The following MAP2K5 variants were observed in gnomAD, a reference collection of about 807,000 sequenced individuals.
MAP2K5 encodes mitogen-activated protein kinase kinase 5, also known as dual specificity mitogen-activated protein kinase kinase 5.
In MAP2K5, 49 loss-of-function variants were observed where a neutral mutation model predicts 83.1. That is an observed-to-expected ratio of 0.59 (90% CI 0.47 to 0.75). MAP2K5 has a LOEUF of 0.75. Ranked by LOEUF, MAP2K5 falls within the 30% of genes least tolerant of loss-of-function variation. The pLI is 0.00. For missense variants in MAP2K5, 457 were observed against 557.5 expected, an observed-to-expected ratio of 0.82 and a Z score of 1.82; for synonymous variants, 202 against 191.8, an observed-to-expected ratio of 1.05 and a Z score of -0.44.
At chr15:67,754,302 C>A (rs2089783903) in intron 19 of MAP2K5, among the ~76,000 whole-genome samples, 1 of 152,198 alleles carries the variant, frequency 6.6e-6, no homozygotes, top group African/African-American at 2.4e-5. Flanking sequence ...CAAAGAGTTT[C>A]TCTGTGATGG....
chr15:67,553,454 A>G (rs541956095), intron 2 of MAP2K5, among the ~76,000 whole-genome samples: 17 of 152,358 alleles, frequency 1.1e-4, no homozygotes, highest in Admixed American at 6.5e-5. Context: ...AATACAAAAC[A>G]TACCCACAGA....
chr15:67,551,894 CTG>C (rs60120818), intron 2 of MAP2K5, among the ~76,000 whole-genome samples: 22,380 of 152,098 alleles, frequency 0.15, 2,117 homozygotes, highest in African/African-American at 0.26. Context: ...GGAAAGATAT[CTG>C]TGAAATATTG....
intron 8 of MAP2K5, among the ~76,000 whole-genome samples, chr15:67,609,970 C>T (rs2141042803): frequency 6.6e-6 from 1 of 152,162 alleles, no homozygotes; most frequent in South Asian, 2.1e-4. Context: ...TCTTTTAGTC[C>T]TTAGTAAATC....
intron 19 of MAP2K5, among the ~76,000 whole-genome samples, chr15:67,762,956 G>T (rs549155134): frequency 6.6e-6 from 1 of 152,124 alleles, no homozygotes; most frequent in Non-Finnish European, 1.5e-5. Context: ...TGGACAGAAC[G>T]TCACACCAAA....
chr15:67,551,213 A>C (rs949597169), intron 2 of MAP2K5, among the ~76,000 whole-genome samples: 25 of 152,232 alleles, frequency 1.6e-4, no homozygotes, highest in Admixed American at 6.5e-5. Context: ...ATTTCTTATC[A>C]ACATATAAAA....
Position 67,555,191 on chromosome 15 carries a change from G to A in MAP2K5, c.184+5109G>A, listed in dbSNP as rs922561764. On this transcript the variant is annotated intron_variant, in intron 2 of 21. Coordinates refer to ENST00000178640, the MANE Select transcript of MAP2K5 (RefSeq NM_145160.3). The surrounding 1 kb of genome is among the most constrained non-coding windows in gnomAD (Gnocchi z 5.2). ...GCTCACAGTTCTACAGGCTGTACAAGCATGGCACTAGCATCTGCTTGCATT... is the reference window on the plus strand; with the variant it reads ...GCTCACAGTTCTACAGGCTGTACAAACATGGCACTAGCATCTGCTTGCATT... Among the ~76,000 whole-genome samples the A allele has an allele frequency of 4.6e-5, 7 of 152,210 alleles. No homozygotes were observed. The highest frequency in any genetic ancestry group is 8.8e-5 in the Non-Finnish European group (6 of 68,034).
chr15:67,594,730 A>T (rs538669164), intron 7 of MAP2K5, among the ~76,000 whole-genome samples: 6 of 152,276 alleles, frequency 3.9e-5, no homozygotes, highest in Admixed American at 3.3e-4. Context: ...TGGGAATGTG[A>T]TAACCTCATA....
intron 7 of MAP2K5, among the ~76,000 whole-genome samples, chr15:67,596,084 G>A (rs1177633751): frequency 6.6e-6 from 1 of 151,666 alleles, no homozygotes; most frequent in Non-Finnish European, 1.5e-5. Flanking sequence ...ACTAATTCTG[G>A]TCCAGCTGCA....
Position 67,771,469 on chromosome 15 carries a change from G to C in MAP2K5, c.1197-1238G>C, listed in dbSNP as rs568670774. ...AAAATTAATCAGCTGTTATTTAAAA[G>C]TTTTATGGAGACAGAGGGAGGGATA... On this transcript the variant is annotated intron_variant, in intron 20 of 21. Coordinates refer to ENST00000178640, the MANE Select transcript of MAP2K5 (RefSeq NM_145160.3). Among the ~76,000 whole-genome samples the C allele has an allele frequency of 2.0e-5, 3 of 152,300 alleles. No individual in the cohort carries two copies. In the South Asian group the frequency reaches 6.2e-4, roughly 32 times the overall value.
rs1334126926 is a variant in MAP2K5, at chr15:67,755,330, C to T, written c.1134+6729C>T. On this transcript the variant is annotated intron_variant, in intron 19 of 21. Transcript: ENST00000178640. This position sits in a 1 kb window ranked among gnomAD's most constrained non-coding sequence, Gnocchi z 4.7. ...TAAAGTAGGCTCTTCCCTTATTTTT[C>T]TCCTCCCTTTCCCAGTCCTCCATTT... Among the ~76,000 whole-genome samples the T allele has an allele frequency of 6.6e-6, 1 of 152,078 alleles. No homozygotes were observed. Among genetic ancestry groups the T allele is most frequent in the Non-Finnish European group, 1.5e-5 (1 of 67,996 alleles).
At chr15:67,593,429 A>T (rs536880951) in intron 7 of MAP2K5, among the ~76,000 whole-genome samples, 1 of 152,320 alleles carries the variant, frequency 6.6e-6, no homozygotes, top group African/African-American at 2.4e-5. Context: ...GGCCTTCAGG[A>T]GACCTTAGTT....
At chr15:67,595,976 C>CT (rs11335365) in intron 7 of MAP2K5, among the ~76,000 whole-genome samples, 18,154 of 144,914 alleles carry the variant, frequency 0.13, 1,146 homozygotes, top group East Asian at 0.21. Context: ...GTTATTTTTT[C>CT]TTTTTTTTTT....
chr15:67,603,344 T>TAA (rs1295290832), intron 8 of MAP2K5, among the ~76,000 whole-genome samples: 2 of 152,186 alleles, frequency 1.3e-5, no homozygotes, highest in African/African-American at 4.8e-5. Context: ...TGCCACAAGT[T>TAA]TTTTAATTTG....
chr15:67,585,819 A>G (rs946304254), intron 4 of MAP2K5, 71 bp from the exon 5 acceptor site: 8 of 1,366,278 alleles, frequency 5.9e-6, no homozygotes, highest in Middle Eastern at 1.8e-4. Flanking sequence ...ATTTCTTTTT[A>G]AACGATTCAT....
At chr15:67,568,301 T>C (rs2084883411) in intron 3 of MAP2K5, among the ~76,000 whole-genome samples, 1 of 152,220 alleles carries the variant, frequency 6.6e-6, no homozygotes, top group African/African-American at 2.4e-5. Context: ...CGTTGAGTAC[T>C]ATGAGGGAAA....
At chr15:67,667,462 A>C (rs907065683) in intron 13 of MAP2K5, among the ~76,000 whole-genome samples, 9 of 152,192 alleles carry the variant, frequency 5.9e-5, no homozygotes, top group African/African-American at 1.4e-4. Context: ...CACATTGTCA[A>C]ATCAAAAACA....
intron 4 of MAP2K5, among the ~76,000 whole-genome samples, chr15:67,583,480 T>A (rs1012662416): frequency 2.0e-5 from 3 of 152,206 alleles, no homozygotes; most frequent in African/African-American, 7.2e-5. Context: ...TGTGTTTTTT[T>A]AATATGCTAT....
chr15:67,624,589 TTGTGTGTGTGTGTGTGTGTGTGTG>T (rs71142388), intron 8 of MAP2K5, among the ~76,000 whole-genome samples: 13 of 141,802 alleles, frequency 9.2e-5, no homozygotes, highest in South Asian at 2.3e-4. Flanking sequence ...CACGATCTCT[TTGTGTGTGTGTGTGTGTGTGTGTG>T]TGTGTGTGTG....
intron 9 of MAP2K5, chr15:67,642,304 A>G (rs2086730419): frequency 3.2e-6 from 2 of 630,274 alleles, no homozygotes; most frequent in South Asian, 2.5e-5. Context: ...ACTAGGCACT[A>G]CTGTGAGTTA....
Sources: gnomAD v4.1 joint callset for allele counts (sites outside exome capture counted in the v4.1 genomes callset) on GRCh38, gnomAD v4.1.1 for gene constraint, Gnocchi (gnomAD v3.1) non-coding constraint, MANE v1.5 for transcripts, NCBI Gene and HGNC (gene_info 2026-07-23, HGNC 2026-07-21) for gene names.